The following SHTN1 variants were observed in gnomAD, a reference collection of about 807,000 sequenced individuals.
SHTN1 encodes the protein shootin 1, also known as shootin-1.
SHTN1 carries 42 observed loss-of-function variants against 83.1 expected under a neutral mutation model. That is an observed-to-expected ratio of 0.51 (90% confidence interval 0.39 to 0.65). SHTN1 has a LOEUF of 0.65. Ranked by LOEUF, SHTN1 falls within the 30% of genes least tolerant of loss-of-function variation. SHTN1 has a pLI of 0.00. For missense variants in SHTN1, 622 were observed against 737.8 expected, an observed-to-expected ratio of 0.84 and a Z score of 1.82; for synonymous variants, 224 against 247.7, an observed-to-expected ratio of 0.90 and a Z score of 0.90.
chr10:116,978,824 G>A (rs567738607), intron 2 of SHTN1, among the ~76,000 whole-genome samples: 1 of 152,256 alleles, frequency 6.6e-6, no homozygotes, highest in East Asian at 1.9e-4. Flanking sequence ...GACATATAAA[G>A]ATTTATGGAG....
At chr10:116,994,827 G>C (rs1323868438) in intron 1 of SHTN1, among the ~76,000 whole-genome samples, 1 of 150,056 alleles carries the variant, frequency 6.7e-6, no homozygotes, top group East Asian at 2.0e-4. Context: ...CTAACTTTAG[G>C]ATTTCCAGAG....
At chr10:116,893,576 G>GCATGCACACACACACACACACACACACA (rs1554905667) in intron 16 of SHTN1, among the ~76,000 whole-genome samples, 18 of 123,594 alleles carry the variant, frequency 1.5e-4, no homozygotes, top group African/African-American at 5.7e-4. Flanking sequence ...GCACTCATGT[G>GCATGCACACACACACACACACACACACA]CACACACACA....
chr10:116,985,816 G>A (rs140257267), intron 1 of SHTN1, among the ~76,000 whole-genome samples: 101 of 152,292 alleles, frequency 6.6e-4, no homozygotes, highest in African/African-American at 2.2e-3. Flanking sequence ...ACAAAAGATA[G>A]TGTTCAATTA....
At chr10:116,906,195 T>C (rs1847965655) in intron 15 of SHTN1, among the ~76,000 whole-genome samples, 1 of 152,268 alleles carries the variant, frequency 6.6e-6, no homozygotes, top group African/African-American at 2.4e-5. Flanking sequence ...GCAGTGCTTT[T>C]ATTATTCTCA....
At chr10:116,993,081 T>C (rs1363274080) in intron 1 of SHTN1, among the ~76,000 whole-genome samples, 1 of 144,484 alleles carries the variant, frequency 6.9e-6, no homozygotes, top group East Asian at 2.0e-4. Flanking sequence ...AGTGGCATGA[T>C]CTTGGCTCAC....
upstream of SHTN1, chr10:117,005,614 C>T (rs1368645475): frequency 2.0e-6 from 2 of 988,496 alleles, no homozygotes; most frequent in South Asian, 4.7e-5. Flanking sequence ...CTAGTTTTCC[C>T]GCAGTAGACT....
chr10:116,952,055 A>ATATAAAT lies in SHTN1; in HGVS notation c.437-50_437-49insATTTATA, dbSNP rs1171510723. 4.1e-6 allele frequency: 4 copies of ATATAAAT among 974,912 alleles called. No homozygotes were observed. In the Admixed American group the frequency reaches 1.2e-4, roughly 30 times the overall value. The allele number at this position is 974,912 out of a possible 1,614,324, so 60.4% of individuals were successfully genotyped here. A position where few individuals can be genotyped will look rare whatever the true frequency, so the allele number is the denominator to read the frequency against. On this transcript the variant is annotated intron_variant, in intron 5 of 16. Coordinates refer to ENST00000355371, the MANE Select transcript of SHTN1 (RefSeq NM_001127211.3). ...ATATAAATAAACTTATTTTTAAAAT[A>ATATAAAT]AGAAATCAATCTGGTCAAAAGAATT...
In SHTN1 at chr10:116,944,924, C is replaced by T. The variant is rs749995583; in HGVS notation, c.711G>A (p.Glu237=). Residue 237 remains glutamate (E), a splice_region_variant and synonymous_variant, in exon 8 of 17, where the codon GAG becomes GAA. Coordinates refer to ENST00000355371, the MANE Select transcript of SHTN1 (RefSeq NM_001127211.3). The part of the protein sequence containing the change: ...LRKKAESFAQ[E]MFIEQNKLKR... ...AATAAGATTTTTACAAGATACCCAC[C>T]TCTTGTGCAAATGACTCTGCTTTCT... 1 of 1,587,676 alleles carries T rather than the reference C, an allele frequency of 6.3e-7. No homozygotes were observed. The highest frequency in any genetic ancestry group is 1.1e-5 in the South Asian group (1 of 90,570).
chr10:117,118,261 C>G (rs1285298953), intron 1 of SHTN1, among the ~76,000 whole-genome samples: 1 of 149,594 alleles, frequency 6.7e-6, no homozygotes, highest in Non-Finnish European at 1.5e-5. Flanking sequence ...AGACAGTTCT[C>G]AACAGAAGAC....
chr10:117,033,666 A>C (rs987989021), intron 2 of SHTN1, among the ~76,000 whole-genome samples: 2 of 152,174 alleles, frequency 1.3e-5, no homozygotes, highest in African/African-American at 2.4e-5. Context: ...AATACTTCCA[A>C]AATCATTCTA....
At chr10:117,038,810 T>C (rs1004280967) in intron 2 of SHTN1, among the ~76,000 whole-genome samples, 4 of 152,220 alleles carry the variant, frequency 2.6e-5, no homozygotes, top group Admixed American at 2.6e-4. Context: ...ACACCTGTTT[T>C]AGAATGGCCA....
intron 2 of SHTN1, among the ~76,000 whole-genome samples, chr10:116,975,596 G>C (rs1418691478): frequency 2.6e-5 from 4 of 151,268 alleles, no homozygotes; most frequent in Non-Finnish European, 4.4e-5. Flanking sequence ...CCCTTCAAAA[G>C]AGCTTTCCTT....
At chr10:117,101,676 A>G (rs1298906551) in intron 1 of SHTN1, among the ~76,000 whole-genome samples, 1 of 152,146 alleles carries the variant, frequency 6.6e-6, no homozygotes, top group African/African-American at 2.4e-5. Context: ...AAAGACATAT[A>G]TTTTCTCTCA....
chr10:116,896,073 T>A (rs1444992618), intron 16 of SHTN1, among the ~76,000 whole-genome samples: 1 of 152,160 alleles, frequency 6.6e-6, no homozygotes, highest in Non-Finnish European at 1.5e-5. Context: ...TCCTCTTAGA[T>A]GGATATTATT....
chr10:116,909,956 T>G (rs2133343388), intron 14 of SHTN1, among the ~76,000 whole-genome samples: 1 of 152,282 alleles, frequency 6.6e-6, no homozygotes, highest in Non-Finnish European at 1.5e-5. Context: ...TCCATCTTAA[T>G]TGTTTCTTAC....
intron 7 of SHTN1, among the ~76,000 whole-genome samples, 153 bp downstream of exon 7, chr10:116,948,763 T>G (rs536791517): frequency 2.0e-5 from 3 of 150,876 alleles, no homozygotes; most frequent in African/African-American, 7.3e-5. Context: ...AATAAAACAA[T>G]GGAAATGGGA....
chr10:116,983,058 C>T (rs1209766126), intron 1 of SHTN1, among the ~76,000 whole-genome samples: 4 of 151,906 alleles, frequency 2.6e-5, no homozygotes, highest in African/African-American at 9.7e-5. Flanking sequence ...CTCAGATTTA[C>T]AGGTACAGTA....
At chr10:117,055,538 T>C (rs995378628) in intron 1 of SHTN1, among the ~76,000 whole-genome samples, 1 of 152,034 alleles carries the variant, frequency 6.6e-6, no homozygotes, top group Admixed American at 6.6e-5. Context: ...TGCACAACAC[T>C]GTGAGTGTAC....
intron 2 of SHTN1, among the ~76,000 whole-genome samples, chr10:117,041,297 C>A (rs1852580952): frequency 6.6e-6 from 1 of 152,062 alleles, no homozygotes; most frequent in South Asian, 2.1e-4. Flanking sequence ...TACTGAAATG[C>A]CAAAGGAAAT....
Sources: allele counts gnomAD v4.1 joint callset (sites outside exome capture counted in the v4.1 genomes callset), GRCh38; gene constraint gnomAD v4.1.1; transcripts MANE v1.5; gene names NCBI Gene and HGNC (gene_info 2026-07-23, HGNC 2026-07-21).